Variants in ABTB3 observed in about 807,000 individuals in gnomAD.
The protein encoded by ABTB3 is ankyrin repeat- and BTB/POZ domain-containing protein 3.
the ABTB3 span, among the ~76,000 whole-genome samples, chr12:107,655,512 G>C: frequency 6.6e-6 from 1 of 152,344 alleles, no homozygotes; most frequent in South Asian, 2.1e-4. Context: ...ATTACTGGCA[G>C]ATTGTGCTGC....
chr12:107,504,865 A>G, the ABTB3 span, among the ~76,000 whole-genome samples: 1 of 152,240 alleles, frequency 6.6e-6, no homozygotes, highest in African/African-American at 2.4e-5. Context: ...CATTTCTTCC[A>G]GCCCCCTTTG....
At chr12:107,523,009 A>AT in the ABTB3 span, among the ~76,000 whole-genome samples, 1 of 152,178 alleles carries the variant, frequency 6.6e-6, no homozygotes, top group East Asian at 1.9e-4. Context: ...TTGATTATCA[A>AT]TTTAGCTGAA....
At chr12:107,642,537 G>A in the ABTB3 span, among the ~76,000 whole-genome samples, 1 of 152,106 alleles carries the variant, frequency 6.6e-6, no homozygotes, top group Non-Finnish European at 1.5e-5. Flanking sequence ...TCAGACCAGG[G>A]GAAATAGAGA....
the ABTB3 span, among the ~76,000 whole-genome samples, chr12:107,538,666 T>C: frequency 6.6e-6 from 1 of 152,154 alleles, no homozygotes; most frequent in Non-Finnish European, 1.5e-5. Flanking sequence ...TCCTGCTTGG[T>C]GATTTATTTC....
the ABTB3 span, among the ~76,000 whole-genome samples, chr12:107,536,113 A>AAAG: frequency 6.6e-6 from 1 of 152,188 alleles, no homozygotes; most frequent in Non-Finnish European, 1.5e-5. Flanking sequence ...GATTTTCAAC[A>AAAG]AAGGCACCAA....
the ABTB3 span, chr12:107,649,085 C>T: frequency 7.3e-6 from 6 of 825,064 alleles, no homozygotes; most frequent in Non-Finnish European, 1.2e-5. Context: ...TGGAAATGGG[C>T]AACCATTTGG....
chr12:107,392,843 A>G, the ABTB3 span, among the ~76,000 whole-genome samples: 1 of 152,200 alleles, frequency 6.6e-6, no homozygotes, highest in Non-Finnish European at 1.5e-5. Context: ...AGGCTGTATT[A>G]ATCTTTTTCT....
chr12:107,521,877 C>T, the ABTB3 span, among the ~76,000 whole-genome samples: 7 of 152,188 alleles, frequency 4.6e-5, no homozygotes, highest in East Asian at 1.4e-3. Context: ...ATGAAGCTTT[C>T]TATGACCATT....
At chr12:107,506,172 C>A in the ABTB3 span, among the ~76,000 whole-genome samples, 3 of 152,052 alleles carry the variant, frequency 2.0e-5, no homozygotes, top group African/African-American at 7.3e-5. Flanking sequence ...ATTCTGCAAC[C>A]CAAAGTTTTA....
the ABTB3 span, among the ~76,000 whole-genome samples, chr12:107,365,328 C>T: frequency 1.3e-5 from 2 of 152,292 alleles, no homozygotes; most frequent in African/African-American, 4.8e-5. Context: ...TCAACTTGCT[C>T]ATCTGTAAAA....
At chr12:107,397,182 GCTA>G in the ABTB3 span, among the ~76,000 whole-genome samples, 1 of 152,212 alleles carries the variant, frequency 6.6e-6, no homozygotes, top group East Asian at 1.9e-4. Context: ...AGCTTGACTG[GCTA>G]GTGTTGGCCT....
At chr12:107,434,850 C>A in the ABTB3 span, among the ~76,000 whole-genome samples, 2 of 149,248 alleles carry the variant, frequency 1.3e-5, no homozygotes, top group African/African-American at 2.5e-5. Flanking sequence ...GGTGACAGAG[C>A]AAGACCCTGT....
chr12:107,436,957 C>CG, the ABTB3 span, among the ~76,000 whole-genome samples: 31 of 152,228 alleles, frequency 2.0e-4, no homozygotes, highest in South Asian at 6.2e-3. Context: ...TGCATCCCCC[C>CG]CCGCCGCACC....
the ABTB3 span, among the ~76,000 whole-genome samples, chr12:107,613,670 C>T: frequency 9.2e-4 from 140 of 152,276 alleles, 1 homozygote; most frequent in African/African-American, 3.2e-3. Flanking sequence ...TCCACCCACA[C>T]CCCAACCTCG....
chr12:107,657,352 G>A, the ABTB3 span, among the ~76,000 whole-genome samples: 3 of 152,172 alleles, frequency 2.0e-5, no homozygotes, highest in African/African-American at 7.2e-5. Context: ...AGCATGAGCC[G>A]CAAAGTCATA....
the ABTB3 span, among the ~76,000 whole-genome samples, chr12:107,565,044 A>C: frequency 6.6e-6 from 1 of 152,210 alleles, no homozygotes; most frequent in Admixed American, 6.5e-5. Flanking sequence ...GCAAAGCAAA[A>C]CTTCAACTTG....
chr12:107,615,560 G>T, the ABTB3 span, among the ~76,000 whole-genome samples: 1 of 152,204 alleles, frequency 6.6e-6, no homozygotes, highest in East Asian at 1.9e-4. Flanking sequence ...AGAATCCATT[G>T]GTTTCCAGCC....
At chr12:107,627,913 T>C in the ABTB3 span, among the ~76,000 whole-genome samples, 1 of 152,264 alleles carries the variant, frequency 6.6e-6, no homozygotes. Context: ...CATAAGTGGA[T>C]ACCCTACATC....
chr12:107,341,913 A>C, the ABTB3 span, among the ~76,000 whole-genome samples: 1 of 151,950 alleles, frequency 6.6e-6, no homozygotes, highest in South Asian at 2.1e-4. Flanking sequence ...CCTGCTCCCC[A>C]CTCACCTTCT....
Sources: allele counts gnomAD v4.1 joint callset (sites outside exome capture counted in the v4.1 genomes callset), GRCh38; gene constraint gnomAD v4.1.1; transcripts MANE v1.5; gene names NCBI Gene and HGNC (gene_info 2026-07-23, HGNC 2026-07-21).